CSMD3: variants seen among roughly 807,000 people sequenced by gnomAD.
CSMD3 encodes CUB and Sushi multiple domains 3, also known as CUB and sushi domain-containing protein 3.
Under a neutral mutation model 435.2 loss-of-function variants are expected in CSMD3, and 177 were observed. The ratio of observed to expected loss-of-function variants is 0.41; its 90% CI spans 0.36 to 0.46. The LOEUF (loss-of-function observed/expected upper bound fraction) is 0.46. CSMD3 is among the 20% of genes least tolerant of loss of function. The pLI is 0.34. For missense variants in CSMD3, 4,265 were observed against 4,504.6 expected (o/e 0.95, Z 1.52); for synonymous variants, 1,656 against 1,520.5 (o/e 1.09, Z -2.07).
intron 13 of CSMD3, among the ~76,000 whole-genome samples, chr8:112,717,915 G>A (rs2076769231): frequency 1.3e-5 from 2 of 152,024 alleles, no homozygotes; most frequent in South Asian, 2.1e-4. Flanking sequence ...CCTGTCAGGG[G>A]GTGGAGGGCA....
chr8:113,167,124 T>C (rs1039265312), intron 4 of CSMD3, among the ~76,000 whole-genome samples: 1 of 152,096 alleles, frequency 6.6e-6, no homozygotes, highest in Non-Finnish European at 1.5e-5. Flanking sequence ...TTCTTGACTA[T>C]CTTAGTTTTT....
intron 3 of CSMD3, among the ~76,000 whole-genome samples, chr8:113,244,225 G>A (rs574895956): frequency 2.0e-5 from 3 of 152,168 alleles, no homozygotes; most frequent in East Asian, 1.9e-4. Flanking sequence ...ATAAATCATC[G>A]CCTAATGCAA....
chr8:112,688,262 T>G (rs986853442), intron 14 of CSMD3, among the ~76,000 whole-genome samples: 4 of 152,144 alleles, frequency 2.6e-5, no homozygotes, highest in African/African-American at 9.7e-5. Context: ...CCTTATCAGA[T>G]AGATAGATGC....
intron 10 of CSMD3, among the ~76,000 whole-genome samples, chr8:112,864,109 G>A (rs2080905603): frequency 6.6e-6 from 1 of 152,056 alleles, no homozygotes; most frequent in Non-Finnish European, 1.5e-5. Flanking sequence ...TATAATTTTT[G>A]TCTTACATTC....
At chr8:112,644,648 A>T (rs1200931271) in intron 20 of CSMD3, among the ~76,000 whole-genome samples, 1 of 152,110 alleles carries the variant, frequency 6.6e-6, no homozygotes, top group African/African-American at 2.4e-5. Flanking sequence ...TATTTATAGA[A>T]TGGCTATAAA....
intron 4 of CSMD3, among the ~76,000 whole-genome samples, chr8:113,121,828 T>C (rs2090994815): frequency 6.6e-6 from 1 of 152,124 alleles, no homozygotes; most frequent in South Asian, 2.1e-4. Flanking sequence ...ATAACTAAAG[T>C]ATGAATACTT....
intron 1 of CSMD3, among the ~76,000 whole-genome samples, chr8:113,434,379 A>C (rs1339879041): frequency 6.6e-6 from 1 of 152,244 alleles, no homozygotes; most frequent in Non-Finnish European, 1.5e-5. Context: ...ACAATGTTTA[A>C]GGCATTGCAT....
intron 1 of CSMD3, among the ~76,000 whole-genome samples, chr8:113,411,208 C>A (rs960940082): frequency 1.3e-5 from 2 of 151,942 alleles, no homozygotes; most frequent in Admixed American, 6.6e-5. Context: ...TATGAGATAT[C>A]ACTGATTATC....
chr8:112,388,693 G>A (rs186605140), intron 36 of CSMD3, among the ~76,000 whole-genome samples: 228 of 152,230 alleles, frequency 1.5e-3, no homozygotes, highest in African/African-American at 5.0e-3. Flanking sequence ...TTAGGTGAGA[G>A]GTCTGAGTTA....
chr8:113,213,260 C>A (rs905633337), intron 3 of CSMD3, among the ~76,000 whole-genome samples: 4 of 152,012 alleles, frequency 2.6e-5, no homozygotes, highest in African/African-American at 9.7e-5. Flanking sequence ...TAATTCATCC[C>A]ATGAATCAGG....
At chr8:112,297,817 T>A (rs1235782082) in intron 53 of CSMD3, among the ~76,000 whole-genome samples, 1 of 152,086 alleles carries the variant, frequency 6.6e-6, no homozygotes. Flanking sequence ...AATTGGAGAA[T>A]GTAATTTAGA....
intron 11 of CSMD3, among the ~76,000 whole-genome samples, chr8:112,847,983 C>T (rs2080375542): frequency 6.6e-6 from 1 of 152,110 alleles, no homozygotes; most frequent in Non-Finnish European, 1.5e-5. Context: ...TGGACCTTCA[C>T]TACTTGTTTT....
intron 38 of CSMD3, among the ~76,000 whole-genome samples, chr8:112,375,741 T>G (rs1828881836): frequency 6.6e-6 from 1 of 152,192 alleles, no homozygotes; most frequent in Admixed American, 6.5e-5. Flanking sequence ...CACAAGAATC[T>G]TTTTAAAGTT....
chr8:113,275,041 T>C (rs1344813370), intron 3 of CSMD3, among the ~76,000 whole-genome samples: 1 of 152,070 alleles, frequency 6.6e-6, no homozygotes, highest in African/African-American at 2.4e-5. Context: ...CCCCATAGAA[T>C]TGAAATGCTT....
chr8:112,372,933 C>T (rs2131189982), intron 38 of CSMD3, among the ~76,000 whole-genome samples: 1 of 144,404 alleles, frequency 6.9e-6, no homozygotes, highest in South Asian at 2.2e-4. Flanking sequence ...AAATAAAAAG[C>T]AGGGCATGTC....
At chr8:112,525,418 A>ATGC in intron 27 of CSMD3, among the ~76,000 whole-genome samples, 1 of 150,302 alleles carries the variant, frequency 6.7e-6, no homozygotes, top group Non-Finnish European at 1.5e-5. Context: ...AGTTTAATCC[A>ATGC]ATTAAAAATA....
chr8:113,376,718 C>T (rs772111838), intron 1 of CSMD3: 8 of 1,613,850 alleles, frequency 5.0e-6, no homozygotes, highest in East Asian at 4.5e-5. Flanking sequence ...CGCAAGGAGC[C>T]TAAGAGCCAG....
chr8:113,264,609 T>C (rs909318173), intron 3 of CSMD3, among the ~76,000 whole-genome samples: 1 of 151,526 alleles, frequency 6.6e-6, no homozygotes. Context: ...TAAGCAATTC[T>C]GTATTTTTGA....
chr8:112,263,617 T>C, intron 61 of CSMD3, 22 bp downstream of exon 61: 1 of 1,608,506 alleles, frequency 6.2e-7, no homozygotes, highest in Non-Finnish European at 8.5e-7. Flanking sequence ...AAGTAACAGT[T>C]GTTAGTAGAA....
Sources: allele counts gnomAD v4.1 joint callset (sites outside exome capture counted in the v4.1 genomes callset), GRCh38; gene constraint gnomAD v4.1.1; transcripts MANE v1.5; gene names NCBI Gene and HGNC (gene_info 2026-07-23, HGNC 2026-07-21).